LRMDA: variants seen among roughly 807,000 people sequenced by gnomAD.
LRMDA encodes leucine rich melanocyte differentiation associated.
In LRMDA, 18 loss-of-function variants were observed where a neutral mutation model predicts 29.8. The observed-to-expected ratio is 0.60, with a 90% confidence interval of 0.42 to 0.90. The LOEUF (loss-of-function observed/expected upper bound fraction) is 0.90, where lower values mean the gene tolerates loss of function less well. Ranked by LOEUF, LRMDA falls within the 40% of genes least tolerant of loss-of-function variation. The probability of loss-of-function intolerance (pLI) is 0.00; values close to 1 mark genes in which losing one functional copy is unlikely to be tolerated. For missense variants in LRMDA, 273 were observed against 273.9 expected, an observed-to-expected ratio of 1.00 and a Z score of 0.02; for synonymous variants, 125 against 109.4, an observed-to-expected ratio of 1.14 and a Z score of -0.89.
intron 2 of LRMDA, among the ~76,000 whole-genome samples, chr10:75,977,354 G>A (rs1265018272): frequency 3.9e-5 from 6 of 152,108 alleles, no homozygotes; most frequent in Admixed American, 6.5e-5. Flanking sequence ...CAGGCACTCC[G>A]CCAGGTTTTT....
chr10:76,090,527 A>G (rs999909813), intron 5 of LRMDA, among the ~76,000 whole-genome samples: 1 of 152,212 alleles, frequency 6.6e-6, no homozygotes, highest in Non-Finnish European at 1.5e-5. Context: ...TCTGCTTCTG[A>G]GTGTATACCC....
At position 76,410,298 on chromosome 10, in the gene LRMDA, C is replaced by CTTT. The variant is rs1172213249; in HGVS notation, c.601+85839_601+85841dup. Among the ~76,000 whole-genome samples, 327 of 66,576 alleles carry CTTT rather than the reference C, an allele frequency of 4.9e-3. 18 individuals carry two copies. The highest frequency in any genetic ancestry group is 6.8e-3 in the African/African-American group (114 of 16,884). 43.7% of individuals were successfully genotyped at this position (66,576 alleles called of 152,430 possible). A position where few individuals can be genotyped will look rare whatever the true frequency, so the allele number is the denominator to read the frequency against. On this transcript the variant is annotated intron_variant, in intron 6 of 6. Coordinates refer to ENST00000611255, the MANE Select transcript of LRMDA (RefSeq NM_001305581.2). Reference sequence around the variant, plus strand: ...GAGGCTTGGAAAAATCACTTTCTTTCTTTTTTTTTTTTTTTTTTTTTTTTT... The same window carrying CTTT: ...GAGGCTTGGAAAAATCACTTTCTTTCTTTTTTTTTTTTTTTTTTTTTTTTTTTT...
chr10:76,254,352 T>C (rs1355046533), intron 5 of LRMDA, among the ~76,000 whole-genome samples: 1 of 148,286 alleles, frequency 6.7e-6, no homozygotes, highest in Non-Finnish European at 1.5e-5. Context: ...TCCTATCCTA[T>C]CCTATCCTAT....
chr10:76,516,964 A>G (rs1215718366), intron 6 of LRMDA, among the ~76,000 whole-genome samples: 1 of 152,220 alleles, frequency 6.6e-6, no homozygotes. Flanking sequence ...TATTGTATAT[A>G]CTTTAAAACC....
intron 2 of LRMDA, among the ~76,000 whole-genome samples, chr10:75,502,554 A>G (rs1845124722): frequency 6.6e-6 from 1 of 152,114 alleles, no homozygotes. Context: ...AGAATCTGGT[A>G]CAATAAATGT....
At chr10:75,983,507 C>G (rs147737313) in intron 2 of LRMDA, among the ~76,000 whole-genome samples, 88 of 152,252 alleles carry the variant, frequency 5.8e-4, no homozygotes, top group African/African-American at 1.9e-3. Context: ...TATACACATG[C>G]ATACGTAATA....
rs1851883269 is a variant in LRMDA, at chr10:76,223,278, TAA to T, written c.517-101118_517-101117del. 3.3e-5 allele frequency among the ~76,000 whole-genome samples: 5 copies of T among 151,936 alleles called. 1 individual carries two copies. In the South Asian group the frequency reaches 1.0e-3, roughly 32 times the overall value. ...ACTTAAAGTATAATAATAATAATAATAAAAAAGAGTCTCCTTAAATACTGAAT... is the reference window on the plus strand; with the variant it reads ...ACTTAAAGTATAATAATAATAATAATAAAAGAGTCTCCTTAAATACTGAAT... On this transcript the variant is annotated intron_variant, in intron 5 of 6. Transcript: ENST00000611255.
chr10:75,775,802 C>T (rs996087056), intron 2 of LRMDA, among the ~76,000 whole-genome samples: 19 of 152,172 alleles, frequency 1.2e-4, no homozygotes, highest in Admixed American at 1.2e-3. Flanking sequence ...CACAGTCTTA[C>T]TTTCAAGGAG....
At chr10:75,489,824 T>C (rs1844961909) in intron 2 of LRMDA, among the ~76,000 whole-genome samples, 1 of 152,152 alleles carries the variant, frequency 6.6e-6, no homozygotes, top group African/African-American at 2.4e-5. Context: ...TACGAGCTTA[T>C]TTGATGAGGG....
intron 2 of LRMDA, among the ~76,000 whole-genome samples, chr10:75,936,356 T>C (rs1370141948): frequency 2.0e-5 from 3 of 152,196 alleles, no homozygotes; most frequent in African/African-American, 2.4e-5. Flanking sequence ...CGAGCTCATC[T>C]TTAAAATGGA....
At chr10:75,905,600 G>A (rs1334269309) in intron 2 of LRMDA, among the ~76,000 whole-genome samples, 1 of 151,686 alleles carries the variant, frequency 6.6e-6, no homozygotes, top group Non-Finnish European at 1.5e-5. Context: ...ATTTCCCTCA[G>A]CTGCCTCCCA....
At chr10:76,280,826 T>A (rs1840194267) in intron 5 of LRMDA, among the ~76,000 whole-genome samples, 1 of 151,520 alleles carries the variant, frequency 6.6e-6, no homozygotes, top group African/African-American at 2.4e-5. Flanking sequence ...AAAAAAAAGG[T>A]ACTGGACTGT....
chr10:75,858,372 C>T (rs1436910489), intron 2 of LRMDA, among the ~76,000 whole-genome samples: 1 of 152,190 alleles, frequency 6.6e-6, no homozygotes. Context: ...CCCTTCCCTT[C>T]CCCATCTTCT....
At position 75,622,573 on chromosome 10, in the gene LRMDA, GA is replaced by G. The variant is rs1841202395; in HGVS notation, c.131+184080del. On this transcript the variant is annotated intron_variant, in intron 2 of 6. Coordinates refer to ENST00000611255, the MANE Select transcript of LRMDA (RefSeq NM_001305581.2). Reference sequence around the variant, plus strand: ...AGAATAAACAACTGGTCACTGCATTGACCACTGAAACTAATAAAGATATATA... The same window carrying G: ...AGAATAAACAACTGGTCACTGCATTGCCACTGAAACTAATAAAGATATATA... Among the ~76,000 whole-genome samples, 2 of 152,134 alleles carry G rather than the reference GA, an allele frequency of 1.3e-5. 1 individual carries two copies. Among genetic ancestry groups the G allele is most frequent in the South Asian group, 4.1e-4 (2 of 4,824 alleles).
chr10:75,953,090 A>G (rs1031544318), intron 2 of LRMDA, among the ~76,000 whole-genome samples: 6 of 152,030 alleles, frequency 3.9e-5, no homozygotes, highest in Admixed American at 1.3e-4. Context: ...TAATTTTTTA[A>G]GAGACAGGGT....
chr10:76,056,683 G>A (rs1476000348), intron 4 of LRMDA, among the ~76,000 whole-genome samples: 3 of 152,228 alleles, frequency 2.0e-5, no homozygotes, highest in Admixed American at 1.3e-4. Context: ...GGGCTTGGCC[G>A]CCACTTTGCT....
At chr10:75,792,216 A>G (rs574189514) in intron 2 of LRMDA, among the ~76,000 whole-genome samples, 4 of 148,586 alleles carry the variant, frequency 2.7e-5, no homozygotes, top group Non-Finnish European at 6.0e-5. Context: ...CTAAATGACT[A>G]TGTTCCAGGC....
At chr10:76,293,032 A>G (rs1356613057) in intron 5 of LRMDA, among the ~76,000 whole-genome samples, 1 of 152,178 alleles carries the variant, frequency 6.6e-6, no homozygotes, top group South Asian at 2.1e-4. Flanking sequence ...GCAGCAGCAC[A>G]ATCTCGGCTC....
At chr10:75,506,406 CT>C (rs1479526998) in intron 2 of LRMDA, among the ~76,000 whole-genome samples, 4 of 152,168 alleles carry the variant, frequency 2.6e-5, no homozygotes, top group African/African-American at 9.7e-5. Context: ...ACAGTTCTGC[CT>C]TTTTACCCTG....
Sources: allele counts gnomAD v4.1 joint callset (sites outside exome capture counted in the v4.1 genomes callset), GRCh38; gene constraint gnomAD v4.1.1; transcripts MANE v1.5; gene names NCBI Gene and HGNC (gene_info 2026-07-23, HGNC 2026-07-21).